Variants in TENM1 observed in about 807,000 individuals in gnomAD.
The protein encoded by TENM1 is teneurin-1.
In TENM1, 35 loss-of-function variants were observed where a neutral mutation model predicts 174.8. The observed-to-expected ratio is 0.20, with a 90% CI of 0.15 to 0.27. The LOEUF is 0.27. TENM1 is among the 10% of genes least tolerant of loss of function. TENM1 has a pLI of 1.00. For synonymous variants in TENM1, 781 were observed against 798.7 expected (o/e 0.98, Z 0.37); for missense variants, 1,633 against 2,130.1 (o/e 0.77, Z 4.59).
intron 5 of TENM1, among the ~76,000 whole-genome samples, chrX:124,689,773 G>GAT (rs1199129739): frequency 9.4e-6 from 1 of 106,949 alleles, no homozygotes; most frequent in Non-Finnish European, 1.9e-5. Flanking sequence ...CATATACTAT[G>GAT]TTTTTTTTTT....
intron 6 of TENM1, among the ~76,000 whole-genome samples, chrX:124,669,186 A>G (rs1238771023): frequency 8.9e-6 from 1 of 111,991 alleles, no homozygotes; most frequent in Non-Finnish European, 1.9e-5. Context: ...GACAGGTACT[A>G]TTATTATCAC....
intron 1 of TENM1, among the ~76,000 whole-genome samples, chrX:124,941,965 C>G (rs1310652474): frequency 9.0e-6 from 1 of 111,254 alleles, no homozygotes; most frequent in Non-Finnish European, 1.9e-5. Flanking sequence ...ATAAAACCAA[C>G]AGATCTCTTG....
chrX:124,614,049 G>T (rs1042680339), intron 11 of TENM1, among the ~76,000 whole-genome samples: 1 of 111,681 alleles, frequency 9.0e-6, no homozygotes, highest in Non-Finnish European at 1.9e-5. Flanking sequence ...AGGCTTGAAG[G>T]ATAGCTAAAG....
At chrX:124,549,902 T>G (rs1174260521) in intron 14 of TENM1, among the ~76,000 whole-genome samples, 1 of 94,280 alleles carries the variant, frequency 1.1e-5, no homozygotes, top group Non-Finnish European at 2.1e-5. Context: ...TTTTTGGCTA[T>G]TAACAGTTTT....
In TENM1 at chrX:124,653,490, T is replaced by C. The variant is rs186535822; in HGVS notation, c.1368+94A>G. ...GACAAATATTTTTCTGTCCTTACCT[T>C]TGACAACCACATATTTCATAAGTCA... On this transcript the variant is annotated intron_variant, in intron 7 of 31. Coordinates refer to ENST00000422452, the Ensembl canonical transcript of TENM1. The C allele has an allele frequency of 1.7e-3, 1,185 of 698,478 alleles. 10 individuals are homozygous for C. The African/African-American group carries it at 0.023, about 14-fold the overall frequency. The allele number at this position is 698,478 out of a possible 1,213,427, so 57.6% of individuals were successfully genotyped here. A position where few individuals can be genotyped will look rare whatever the true frequency, so the allele number is the denominator to read the frequency against.
chrX:124,664,541 A>G (rs951455181), intron 6 of TENM1, among the ~76,000 whole-genome samples: 64 of 100,898 alleles, frequency 6.3e-4, no homozygotes, highest in African/African-American at 2.0e-3. Flanking sequence ...AGAAAAAAAA[A>G]AAAAAAAAAA....
chrX:124,851,753 T>A (rs969924892), intron 3 of TENM1, among the ~76,000 whole-genome samples: 2 of 111,274 alleles, frequency 1.8e-5, no homozygotes, highest in African/African-American at 6.5e-5. Context: ...TATCATATGA[T>A]CATCATATCA....
At chrX:124,465,606 T>A (rs1269073539) in intron 22 of TENM1, among the ~76,000 whole-genome samples, 1 of 111,459 alleles carries the variant, frequency 9.0e-6, no homozygotes, top group Non-Finnish European at 1.9e-5. Flanking sequence ...ACTTAACCCA[T>A]CAGGAATAGA....
the TENM1 span, among the ~76,000 whole-genome samples, chrX:125,058,464 T>C: frequency 1.8e-5 from 2 of 111,855 alleles, no homozygotes. Context: ...TTATGTGTAA[T>C]AATTTATTCT....
intron 28 of TENM1, among the ~76,000 whole-genome samples, chrX:124,389,597 A>C (rs995941472): frequency 2.7e-5 from 3 of 110,615 alleles, no homozygotes; most frequent in African/African-American, 9.9e-5. Flanking sequence ...AAGATGCTTT[A>C]ATTTCCTCCC....
At chrX:124,999,675 A>G in the TENM1 span, among the ~76,000 whole-genome samples, 1 of 111,144 alleles carries the variant, frequency 9.0e-6, no homozygotes, top group Non-Finnish European at 1.9e-5. Flanking sequence ...AACATGATCT[A>G]AAGTTAGCCT....
intron 18 of TENM1, among the ~76,000 whole-genome samples, chrX:124,517,456 C>T (rs1049641371): frequency 9.1e-6 from 1 of 109,333 alleles, no homozygotes; most frequent in African/African-American, 3.3e-5. Flanking sequence ...ATGTGGCACA[C>T]ATACACCATG....
At chrX:124,741,332 C>T (rs1179834886) in intron 3 of TENM1, among the ~76,000 whole-genome samples, 1 of 111,775 alleles carries the variant, frequency 8.9e-6, no homozygotes, top group Non-Finnish European at 1.9e-5. Context: ...TATCTCTGCT[C>T]AGAAATACTG....
chrX:125,181,226 A>T, the TENM1 span, among the ~76,000 whole-genome samples: 1 of 111,760 alleles, frequency 8.9e-6, no homozygotes, highest in Non-Finnish European at 1.9e-5. Context: ...GGAGATTGAG[A>T]TTTAGAGAGA....
chrX:124,574,623 A>G (rs895207714), intron 11 of TENM1, among the ~76,000 whole-genome samples: 9 of 111,231 alleles, frequency 8.1e-5, no homozygotes, highest in Non-Finnish European at 1.7e-4. Context: ...GCCTGAATAG[A>G]CAGAGACCCT....
intron 5 of TENM1, among the ~76,000 whole-genome samples, chrX:124,704,340 A>G (rs145553651): frequency 3.6e-3 from 407 of 112,253 alleles, no homozygotes; most frequent in Middle Eastern, 9.1e-3. Context: ...GTAAATTAAT[A>G]TTCAGTCACA....
intron 23 of TENM1, among the ~76,000 whole-genome samples, chrX:124,436,048 C>G (rs947363402): frequency 5.4e-5 from 6 of 111,738 alleles, no homozygotes; most frequent in African/African-American, 1.6e-4. Flanking sequence ...ATGAAATCCT[C>G]TGTGACAAAC....
rs139608227 is a variant in TENM1 at position 124,541,298 on chromosome X, G to A, written c.2651+5576C>T. ...TTATAATCCCCAGTATTGGAGATGG[G>A]GCCTGGTTAGAGGTGACTGGATCAT... is the stretch of plus-strand genomic sequence containing the variant. On this transcript the variant is annotated intron_variant, in intron 15 of 31. Transcript: ENST00000422452. Among the ~76,000 whole-genome samples, 289 of 112,168 alleles carry A rather than the reference G, an allele frequency of 2.6e-3. 1 individual carries two copies. The highest frequency in any genetic ancestry group is 8.9e-3 in the African/African-American group (275 of 30,891).
chrX:124,436,450 C>G (rs1288792266), intron 23 of TENM1, among the ~76,000 whole-genome samples: 1 of 110,237 alleles, frequency 9.1e-6, no homozygotes, highest in African/African-American at 3.3e-5. Context: ...GAGAATCAGT[C>G]TCATTATGCT....
Sources: gnomAD v4.1 joint callset for allele counts (sites outside exome capture counted in the v4.1 genomes callset) on GRCh38, gnomAD v4.1.1 for gene constraint, MANE v1.5 for transcripts, NCBI Gene and HGNC (gene_info 2026-07-23, HGNC 2026-07-21) for gene names.